ACAP2: variants seen among roughly 807,000 people sequenced by gnomAD.
ACAP2 encodes the protein ArfGAP with coiled-coil, ankyrin repeat and PH domains 2.
A neutral mutation model predicts 115.8 loss-of-function variants in ACAP2; 39 were observed. The ratio of observed to expected loss-of-function variants is 0.34; its 90% CI spans 0.26 to 0.44. The LOEUF (loss-of-function observed/expected upper bound fraction) is 0.44, where lower values mean the gene tolerates loss of function less well. ACAP2 is among the 20% of genes least tolerant of loss of function. ACAP2 has a pLI of 1.00. For synonymous variants in ACAP2, 289 were observed against 315.8 expected, an observed-to-expected ratio of 0.92 and a Z score of 0.90; for missense variants, 662 against 927.6, an observed-to-expected ratio of 0.71 and a Z score of 3.72.
intron 4 of ACAP2, among the ~76,000 whole-genome samples, chr3:195,369,107 AAG>A (rs1194990341): frequency 6.7e-6 from 1 of 148,988 alleles, no homozygotes. Flanking sequence ...AAAAAAAAAA[AAG>A]AGGAAGAAAT....
At chr3:195,312,802 A>G (rs946661121) in intron 10 of ACAP2, 2 of 152,256 alleles carry the variant, frequency 1.3e-5, no homozygotes, top group African/African-American at 4.8e-5. Flanking sequence ...TAAAATAGTT[A>G]TATTTTCTTC....
chr3:195,376,524 G>A (rs1438463781), intron 4 of ACAP2, among the ~76,000 whole-genome samples: 1 of 152,126 alleles, frequency 6.6e-6, no homozygotes, highest in Non-Finnish European at 1.5e-5. Flanking sequence ...GCCTGGGAGA[G>A]AAAGCGAGAC....
chr3:195,333,102 G>A lies in ACAP2; in HGVS notation c.595C>T (p.His199Tyr). Residue 199 changes from histidine to tyrosine, a missense_variant, in exon 8 of 23, where the codon CAT becomes TAT. Coordinates refer to ENST00000326793, the MANE Select transcript of ACAP2 (RefSeq NM_012287.6). ...LKSMLSFMYA[H>Y]LAFFHQGYDL... ...TATCCTTGATGAAAGAAGGCCAAAT[G>A]GGCATACATAAATGACAACATCTAA... The A allele has an allele frequency of 6.2e-7, 1 of 1,604,230 alleles. No individual in the cohort carries two copies. The highest frequency in any genetic ancestry group is 8.5e-7 in the Non-Finnish European group (1 of 1,175,384).
intron 2 of ACAP2, among the ~76,000 whole-genome samples, chr3:195,387,583 G>A (rs1038733128): frequency 2.0e-5 from 3 of 152,088 alleles, no homozygotes; most frequent in Admixed American, 6.6e-5. Context: ...GTGCAGTGGC[G>A]CACGCACACA....
intron 1 of ACAP2, among the ~76,000 whole-genome samples, chr3:195,406,574 C>T (rs2108801872): frequency 6.6e-6 from 1 of 152,320 alleles, no homozygotes; most frequent in South Asian, 2.1e-4. Flanking sequence ...TCAAGTGATC[C>T]TCCCACCCTG....
In ACAP2 at chr3:195,383,922, A is replaced by AT. The variant is rs766510744; in HGVS notation, c.112-1901dup. Among the ~76,000 whole-genome samples the AT allele has an allele frequency of 4.0e-5, 6 of 151,398 alleles. 1 individual carries two copies. The highest frequency in any genetic ancestry group is 4.2e-4 in the South Asian group (2 of 4,788). ...TATAATAAAAGAAATGGAAATTACT[A>AT]TTTTTTTTTCTTTTACTAACAGCAA... is the stretch of plus-strand genomic sequence containing the variant. On this transcript the variant is annotated intron_variant, in intron 2 of 22. Coordinates refer to ENST00000326793, the MANE Select transcript of ACAP2 (RefSeq NM_012287.6).
chr3:195,380,926 A>C (rs1193379671), intron 4 of ACAP2, 83 bp downstream of exon 4: 1 of 1,200,512 alleles, frequency 8.3e-7, no homozygotes, highest in Non-Finnish European at 1.2e-6. Context: ...ATTCCCTTTT[A>C]GTCATTTCAT....
chr3:195,389,403 G>A (rs2108767102), intron 2 of ACAP2, among the ~76,000 whole-genome samples: 1 of 152,332 alleles, frequency 6.6e-6, no homozygotes, highest in South Asian at 2.1e-4. Context: ...TCCCACCACA[G>A]TGTTTCATAT....
chr3:195,355,254 C>G (rs1731877454), intron 4 of ACAP2, among the ~76,000 whole-genome samples: 1 of 149,888 alleles, frequency 6.7e-6, no homozygotes, highest in African/African-American at 2.5e-5. Flanking sequence ...CCACAGCTAT[C>G]TAACAGCTAA....
At chr3:195,408,283 C>T (rs1265472784) in intron 1 of ACAP2, among the ~76,000 whole-genome samples, 2 of 151,964 alleles carry the variant, frequency 1.3e-5, no homozygotes, top group African/African-American at 4.8e-5. Flanking sequence ...GGCAACACGG[C>T]GAAACCCTGT....
At chr3:195,419,371 G>A (rs1173015899) in intron 1 of ACAP2, 2 of 152,134 alleles carry the variant, frequency 1.3e-5, no homozygotes, top group Non-Finnish European at 2.9e-5. Context: ...GGATTTGAAA[G>A]TTATTTCACT....
At chr3:195,354,404 G>C (rs766550648) in intron 4 of ACAP2, among the ~76,000 whole-genome samples, 19 of 152,068 alleles carry the variant, frequency 1.2e-4, no homozygotes, top group Non-Finnish European at 1.6e-4. Context: ...ATCTCATTGT[G>C]GTTTTGATTT....
intron 1 of ACAP2, among the ~76,000 whole-genome samples, chr3:195,400,858 T>C (rs1208686257): frequency 1.3e-5 from 2 of 152,170 alleles, no homozygotes; most frequent in African/African-American, 4.8e-5. Flanking sequence ...CAAAGCAAGA[T>C]GATAAGAATA....
intron 1 of ACAP2, among the ~76,000 whole-genome samples, chr3:195,419,074 T>C (rs1713964662): frequency 1.3e-5 from 2 of 152,208 alleles, no homozygotes; most frequent in Non-Finnish European, 2.9e-5. Context: ...AATGTTTAGC[T>C]GCCTTATCGA....
In ACAP2 at chr3:195,380,920, C is replaced by A. The variant is rs571571326; in HGVS notation, c.285+89G>T. Reference sequence around the variant, plus strand: ...ACGACCAATCAAAGCCATGTAATTCCCTTTTAGTCATTTCATAAAACATTG... The same window carrying A: ...ACGACCAATCAAAGCCATGTAATTCACTTTTAGTCATTTCATAAAACATTG... On this transcript the variant is annotated intron_variant, in intron 4 of 22. Transcript: ENST00000326793. The A allele has an allele frequency of 2.6e-6, 3 of 1,155,532 alleles. No individual in the cohort carries two copies. The South Asian group carries it at 4.3e-5, about 16-fold the overall frequency. The allele number at this position is 1,155,532 out of a possible 1,614,324, so 71.6% of individuals were successfully genotyped here.
chr3:195,316,421 A>C lies in ACAP2; in HGVS notation c.857+4280T>G, dbSNP rs183392987. Among the ~76,000 whole-genome samples the C allele has an allele frequency of 2.0e-5, 3 of 152,254 alleles. No homozygotes were observed. The East Asian group carries it at 5.8e-4, about 29-fold the overall frequency. ...TTATTTATTTATTTATTTAAGAGAC[A>C]GAGTCTCACTGTGTCGCCCAGACTG... is the stretch of plus-strand genomic sequence containing the variant. On this transcript the variant is annotated intron_variant, in intron 10 of 22. Coordinates refer to ENST00000326793, the MANE Select transcript of ACAP2 (RefSeq NM_012287.6).
intron 22 of ACAP2, among the ~76,000 whole-genome samples, chr3:195,283,986 T>A (rs576615687): frequency 2.0e-5 from 3 of 152,190 alleles, no homozygotes; most frequent in African/African-American, 7.2e-5. Context: ...TGGAAGACAT[T>A]TGAATGCTCC....
chr3:195,353,114 T>G lies in ACAP2; in HGVS notation c.286-7797A>C, dbSNP rs868030328. Among the ~76,000 whole-genome samples, 56 of 150,812 alleles carry G rather than the reference T, an allele frequency of 3.7e-4. No individual in the cohort carries two copies. In the Middle Eastern group the frequency reaches 0.018, roughly 48 times the overall value. ...AAAAAAAAAAGGCATTGGAGCTTCC[T>G]GTTTGCCCATGCTGCTCTTGGATCA... On this transcript the variant is annotated intron_variant, in intron 4 of 22. Coordinates refer to ENST00000326793, the MANE Select transcript of ACAP2 (RefSeq NM_012287.6).
At chr3:195,401,049 T>C (rs1247982345) in intron 1 of ACAP2, among the ~76,000 whole-genome samples, 1 of 152,176 alleles carries the variant, frequency 6.6e-6, no homozygotes, top group Non-Finnish European at 1.5e-5. Context: ...AACTAATTAA[T>C]TAACTACATT....
Sources: allele counts gnomAD v4.1 joint callset (sites outside exome capture counted in the v4.1 genomes callset), GRCh38; gene constraint gnomAD v4.1.1; transcripts MANE v1.5; gene names NCBI Gene and HGNC (gene_info 2026-07-23, HGNC 2026-07-21).